NLK: variants seen among roughly 807,000 people sequenced by gnomAD.
NLK encodes nemo like kinase, also known as serine/threonine-protein kinase NLK.
NLK carries 11 observed loss-of-function variants against 59.0 expected under a neutral mutation model. That is an observed-to-expected ratio of 0.19 (90% CI 0.12 to 0.31). The LOEUF (loss-of-function observed/expected upper bound fraction) is 0.31. Among genes scored for constraint, NLK ranks in the 10% least tolerant of loss-of-function variants. NLK has a pLI of 1.00. For missense variants in NLK, 410 were observed against 661.1 expected, an observed-to-expected ratio of 0.62 and a Z score of 4.16; for synonymous variants, 235 against 235.9, an observed-to-expected ratio of 1.00 and a Z score of 0.03.
At chr17:28,044,769 G>A (rs1238194850) in intron 1 of NLK, among the ~76,000 whole-genome samples, 1 of 152,184 alleles carries the variant, frequency 6.6e-6, no homozygotes, top group Non-Finnish European at 1.5e-5. Context: ...CAGGAAAACG[G>A]TTGTTCCTTG....
chr17:28,201,080 T>C (rs1246127538), downstream of NLK, among the ~76,000 whole-genome samples: 1 of 152,196 alleles, frequency 6.6e-6, no homozygotes, highest in Admixed American at 6.5e-5. Flanking sequence ...ATTTCACCTG[T>C]ATCACACTTT....
At chr17:28,133,977 A>C (rs1215626945) in intron 3 of NLK, among the ~76,000 whole-genome samples, 1 of 152,178 alleles carries the variant, frequency 6.6e-6, no homozygotes, top group East Asian at 1.9e-4. Context: ...ATTGTCACTG[A>C]TCAACACTGC....
At chr17:28,067,961 T>G (rs2142753920) in intron 1 of NLK, among the ~76,000 whole-genome samples, 1 of 151,858 alleles carries the variant, frequency 6.6e-6, no homozygotes, top group East Asian at 1.9e-4. Flanking sequence ...GCCAACATGG[T>G]GAAACCCCAC....
chr17:28,172,662 G>A (rs1425390676), intron 7 of NLK, 44 bp downstream of exon 7: 4 of 1,140,604 alleles, frequency 3.5e-6, no homozygotes, highest in South Asian at 1.8e-5. Context: ...ATCTGTTTGG[G>A]CAAGATTTCC....
At chr17:28,152,894 G>A (rs530814336) in intron 3 of NLK, among the ~76,000 whole-genome samples, 7 of 152,170 alleles carry the variant, frequency 4.6e-5, no homozygotes, top group Non-Finnish European at 1.0e-4. Context: ...AAAATGTTGG[G>A]ATTACAGGCA....
chr17:28,124,340 A>G (rs1353102698), intron 2 of NLK, among the ~76,000 whole-genome samples: 3 of 151,988 alleles, frequency 2.0e-5, no homozygotes, highest in Admixed American at 6.5e-5. Flanking sequence ...CCTGGACAAC[A>G]TAACGAGACC....
intron 4 of NLK, among the ~76,000 whole-genome samples, chr17:28,162,297 G>C (rs1293866150): frequency 6.6e-6 from 1 of 152,164 alleles, no homozygotes; most frequent in Admixed American, 6.5e-5. Context: ...TTACAGGCGT[G>C]AGCCACTGCG....
chr17:28,100,899 G>A (rs934989799), intron 1 of NLK, among the ~76,000 whole-genome samples: 1 of 152,096 alleles, frequency 6.6e-6, no homozygotes, highest in African/African-American at 2.4e-5. Flanking sequence ...GTAAAAGAGG[G>A]TAGAAACGAT....
downstream of NLK, among the ~76,000 whole-genome samples, chr17:28,198,726 T>C (rs111868125): frequency 8.0e-3 from 1,215 of 152,308 alleles, 15 homozygotes; most frequent in African/African-American, 0.028. Flanking sequence ...CTTACACATC[T>C]TAGATATTAA....
chr17:28,172,596 T>C lies in NLK; in HGVS notation c.1127T>C (p.Ile376Thr). The change falls in exon 7 of 11, where the codon ATA becomes ACA. Residue 376 changes from isoleucine (I) to threonine (T), a missense_variant. Transcript: ENST00000407008. ...RTACEGAKAH[I>T]LRGPHKQPSL... Reference sequence around the variant, plus strand: ...GCTTGTGAAGGCGCTAAGGCACATATACTCAGGGGTCCTCATAAACAGGTG... The same window carrying C: ...GCTTGTGAAGGCGCTAAGGCACATACACTCAGGGGTCCTCATAAACAGGTG... The C allele has an allele frequency of 1.3e-6, 2 of 1,574,436 alleles. No individual in the cohort carries two copies. Among genetic ancestry groups the C allele is most frequent in the South Asian group, 1.2e-5 (1 of 84,310 alleles).
chr17:28,054,350 G>T (rs1909364116), intron 1 of NLK, among the ~76,000 whole-genome samples: 1 of 152,128 alleles, frequency 6.6e-6, no homozygotes, highest in South Asian at 2.1e-4. Flanking sequence ...ATATTGACAG[G>T]CATTCTTTTA....
At chr17:28,085,961 T>A (rs1910502003) in intron 1 of NLK, among the ~76,000 whole-genome samples, 1 of 152,170 alleles carries the variant, frequency 6.6e-6, no homozygotes, top group Admixed American at 6.5e-5. Flanking sequence ...TTTGTGTAAG[T>A]ACACTCTATG....
intron 5 of NLK, among the ~76,000 whole-genome samples, chr17:28,164,140 C>T (rs745836097): frequency 5.3e-5 from 8 of 152,004 alleles, no homozygotes; most frequent in Non-Finnish European, 8.8e-5. Context: ...GAGGCTGAGG[C>T]GGGCAGATTG....
intron 10 of NLK, among the ~76,000 whole-genome samples, chr17:28,193,584 C>G (rs1275479765): frequency 6.6e-6 from 1 of 152,156 alleles, no homozygotes; most frequent in African/African-American, 2.4e-5. Flanking sequence ...GGGTCTGGCT[C>G]CAGTATCACA....
intron 1 of NLK, among the ~76,000 whole-genome samples, chr17:28,086,061 T>C (rs1414725907): frequency 6.6e-6 from 1 of 152,210 alleles, no homozygotes; most frequent in African/African-American, 2.4e-5. Context: ...TGACTGAAAT[T>C]GCCACATTTT....
At chr17:28,066,439 C>G (rs550938016) in intron 1 of NLK, among the ~76,000 whole-genome samples, 1 of 152,284 alleles carries the variant, frequency 6.6e-6, no homozygotes, top group African/African-American at 2.4e-5. Context: ...TCAGTCCTTA[C>G]GATTTATGTT....
At chr17:28,178,607 A>G (rs1908776985) in intron 7 of NLK, among the ~76,000 whole-genome samples, 1 of 152,148 alleles carries the variant, frequency 6.6e-6, no homozygotes, top group African/African-American at 2.4e-5. Context: ...AGTTTTCCTC[A>G]GTTTGTTCCC....
At chr17:28,143,391 G>A (rs1907098381) in intron 3 of NLK, among the ~76,000 whole-genome samples, 1 of 152,030 alleles carries the variant, frequency 6.6e-6, no homozygotes, top group Admixed American at 6.6e-5. Flanking sequence ...ACCAATATGG[G>A]ACCTACTTGA....
intron 3 of NLK, among the ~76,000 whole-genome samples, chr17:28,139,085 G>A (rs780246114): frequency 5.3e-5 from 8 of 152,070 alleles, no homozygotes; most frequent in Non-Finnish European, 8.8e-5. Flanking sequence ...GCGAAACCCC[G>A]TCTCTACTAA....
Sources: allele counts gnomAD v4.1 joint callset (sites outside exome capture counted in the v4.1 genomes callset), GRCh38; gene constraint gnomAD v4.1.1; transcripts MANE v1.5; gene names NCBI Gene and HGNC (gene_info 2026-07-23, HGNC 2026-07-21).